Variants in KDM6A observed in about 807,000 individuals in gnomAD.
The protein encoded by KDM6A is lysine-specific demethylase 6A.
A neutral mutation model predicts 117.6 loss-of-function variants in KDM6A; 11 were observed. The ratio of observed to expected loss-of-function variants is 0.09; its 90% CI spans 0.06 to 0.15. The LOEUF (loss-of-function observed/expected upper bound fraction) is 0.15. Ranked by LOEUF, KDM6A falls within the 10% of genes least tolerant of loss-of-function variation. The probability of loss-of-function intolerance (pLI) is 1.00; values close to 1 mark genes in which losing one functional copy is unlikely to be tolerated. For missense variants in KDM6A, 799 were observed against 1,077.3 expected, an observed-to-expected ratio of 0.74 and a Z score of 3.62; for synonymous variants, 384 against 396.1, an observed-to-expected ratio of 0.97 and a Z score of 0.36.
chrX:44,942,583 T>C (rs867546962), intron 2 of KDM6A, among the ~76,000 whole-genome samples: 3 of 109,927 alleles, frequency 2.7e-5, no homozygotes, highest in Admixed American at 9.8e-5. Context: ...TTGTTTCGGC[T>C]ATTCTAGTTC....
chrX:45,098,556 A>T (rs193067271), intron 27 of KDM6A, among the ~76,000 whole-genome samples: 127 of 112,679 alleles, frequency 1.1e-3, no homozygotes, highest in African/African-American at 3.9e-3. Context: ...TATCAACTTG[A>T]CTAGCTTTAG....
chrX:45,068,937 C>G (rs1047524774), intron 17 of KDM6A, among the ~76,000 whole-genome samples: 4 of 109,886 alleles, frequency 3.6e-5, no homozygotes, highest in Non-Finnish European at 7.6e-5. Context: ...CTCAAACGAT[C>G]CTCCTGCCTC....
intron 2 of KDM6A, among the ~76,000 whole-genome samples, chrX:44,887,259 G>A (rs2032970051): frequency 9.0e-6 from 1 of 111,220 alleles, no homozygotes; most frequent in Admixed American, 9.7e-5. Flanking sequence ...GAAAAATTTG[G>A]TGATAGAGCT....
At chrX:45,109,934 A>AC (rs2148302815) in intron 28 of KDM6A, 145 bp from the exon 29 acceptor site, 1 of 538,542 alleles carries the variant, frequency 1.9e-6, no homozygotes, top group Non-Finnish European at 3.0e-6. Flanking sequence ...AGATTCTCAA[A>AC]CACAGCCATG....
intron 2 of KDM6A, among the ~76,000 whole-genome samples, chrX:44,923,745 G>A (rs1007267188): frequency 9.2e-6 from 1 of 108,723 alleles, no homozygotes; most frequent in South Asian, 4.0e-4. Context: ...ATTTAAGACA[G>A]TCAGTCTCCC....
chrX:45,076,799 G>A lies in KDM6A; in HGVS notation c.2961G>A (p.Lys987=), dbSNP rs144564697. 9.2e-6 allele frequency: 11 copies of A among 1,199,284 alleles called. No individual in the cohort carries two copies. In the African/African-American group the frequency reaches 2.0e-4, roughly 21 times the overall value. Residue 987 remains lysine (K), a synonymous_variant, in exon 19 of 30, where the codon AAG becomes AAA. Transcript: ENST00000611820. Reference sequence around the variant, plus strand: ...CATACCCTCCCTTGCCAAAGGACAAGTTGAATCCACCTACACCTAGTATTT... The same window carrying A: ...CATACCCTCCCTTGCCAAAGGACAAATTGAATCCACCTACACCTAGTATTT... ...SSPYPPLPKD[K]LNPPTPSIYL... is the part of the protein sequence containing the mutation.
At chrX:45,018,861 C>T (rs2042068989) in intron 5 of KDM6A, among the ~76,000 whole-genome samples, 1 of 111,530 alleles carries the variant, frequency 9.0e-6, no homozygotes, top group Admixed American at 9.6e-5. Flanking sequence ...GGTTAAGAAG[C>T]ATTATCCATA....
intron 27 of KDM6A, among the ~76,000 whole-genome samples, chrX:45,093,083 A>C (rs2045954544): frequency 3.6e-5 from 4 of 110,916 alleles, no homozygotes; most frequent in Admixed American, 2.9e-4. Context: ...TTTCACTTTA[A>C]ATTTAGAAAA....
At chrX:45,037,630 T>C in intron 7 of KDM6A, 25 bp from the exon 8 acceptor site, 1 of 1,191,408 alleles carries the variant, frequency 8.4e-7, no homozygotes, top group Non-Finnish European at 1.1e-6. Context: ...TTACTGATTT[T>C]TTTGTCTTTC....
In KDM6A at chrX:45,111,440, T is replaced by C; in HGVS notation, c.*29T>C. On this transcript the variant is annotated 3_prime_UTR_variant, in exon 30 of 30. Transcript: ENST00000611820. ...TGTTCCATGGACATTAAATGAGACC[T>C]TTTCTGCTATTCAGGAAATAACCCA... The C allele has an allele frequency of 1.8e-6, 2 of 1,133,312 alleles. No individual in the cohort carries two copies. The highest frequency in any genetic ancestry group is 2.4e-6 in the Non-Finnish European group (2 of 825,172). 93.4% of individuals were successfully genotyped at this position (1,133,312 alleles called of 1,213,427 possible).
intron 2 of KDM6A, among the ~76,000 whole-genome samples, chrX:44,895,796 CTTTCTA>C (rs1178063264): frequency 9.4e-6 from 1 of 106,264 alleles, no homozygotes; most frequent in East Asian, 2.9e-4. Flanking sequence ...TTTCTGTTTT[CTTTCTA>C]TTATTACTTG....
chrX:44,892,833 T>A (rs1220147444), intron 2 of KDM6A, among the ~76,000 whole-genome samples: 1 of 108,213 alleles, frequency 9.2e-6, no homozygotes, highest in Non-Finnish European at 1.9e-5. Flanking sequence ...TGAAACCCCG[T>A]CTCTACTAAA....
intron 5 of KDM6A, among the ~76,000 whole-genome samples, chrX:45,016,503 GTTTA>G (rs973146582): frequency 6.3e-5 from 6 of 95,482 alleles, no homozygotes; most frequent in African/African-American, 1.5e-4. Flanking sequence ...GTATGTATTT[GTTTA>G]TTTATTTATT....
rs1327003463 is a variant in KDM6A, at chrX:44,961,334, G to A, written c.276G>A (p.Glu92=). The A allele has an allele frequency of 1.7e-6, 2 of 1,205,381 alleles. No individual in the cohort carries two copies. The highest frequency in any genetic ancestry group is 3.0e-5 in the East Asian group (1 of 33,738). The change falls in exon 3 of 30, where the codon GAG becomes GAA. Residue 92 remains glutamate, a synonymous_variant. Transcript: ENST00000611820. ...SLILKAEGKV[E]SDFFCQLGHF... ...TCTTAAAAGCTGAAGGAAAAGTGGA[G>A]TCTGATTTCTTTTGTCAATTAGGTC... is the stretch of plus-strand genomic sequence containing the variant.
Position 45,062,645 on chromosome X carries a change from A to G in KDM6A, c.1582-2A>G. On this transcript the variant is annotated splice_acceptor_variant, in intron 15 of 29. Coordinates refer to ENST00000611820, the MANE Select transcript of KDM6A (RefSeq NM_001291415.2). LOFTEE classifies it high-confidence loss of function. ...TATATTCTCTTTTTGTTCTTCTTCT[A>G]GCATTTGGAACAGCTCCGCGCAAAT... The G allele has an allele frequency of 8.5e-7, 1 of 1,176,885 alleles. No individual in the cohort carries two copies. Among genetic ancestry groups the G allele is most frequent in the East Asian group, 3.0e-5 (1 of 33,650 alleles).
intron 27 of KDM6A, among the ~76,000 whole-genome samples, chrX:45,093,875 C>G (rs2045995639): frequency 9.0e-6 from 1 of 111,013 alleles, no homozygotes; most frequent in African/African-American, 3.3e-5. Flanking sequence ...ACTGTTGTTT[C>G]TTATACATTT....
At chrX:44,990,636 T>A (rs1425930299) in intron 4 of KDM6A, among the ~76,000 whole-genome samples, 1 of 111,760 alleles carries the variant, frequency 8.9e-6, no homozygotes, top group East Asian at 2.8e-4. Context: ...CCTCACAAAG[T>A]TCTCGTGCTT....
chrX:45,059,312 T>G lies in KDM6A; in HGVS notation c.1040T>G (p.Leu347Trp). The change falls in exon 12 of 30, where the codon TTG (leucine) becomes TGG (tryptophan). Residue 347 changes from leucine to tryptophan, a missense_variant. This residue lies in a region of KDM6A where 36 missense variants were observed against 44.4 expected (regional missense o/e 0.81). Transcript: ENST00000611820. ...CAGGCCTATATTTGTGCTGTACAAT[T>G]GGACCATGGCCATGCTGCAGCCTGG... ...ALQAYICAVQ[L>W]DHGHAAAWMD... 8.3e-7 allele frequency: 1 copy of G among 1,211,501 alleles called. No homozygotes were observed. Among genetic ancestry groups the G allele is most frequent in the Non-Finnish European group, 1.1e-6 (1 of 895,416 alleles).
chrX:45,031,154 G>A (rs1485193951), intron 6 of KDM6A, among the ~76,000 whole-genome samples: 1 of 112,152 alleles, frequency 8.9e-6, no homozygotes, highest in Non-Finnish European at 1.9e-5. Flanking sequence ...AACTTCAGTG[G>A]TTTCCTCAGC....
Sources: allele counts gnomAD v4.1 joint callset (sites outside exome capture counted in the v4.1 genomes callset), GRCh38; gene constraint gnomAD v4.1.1; regional missense constraint gnomAD v4.1.1; transcripts MANE v1.5; gene names NCBI Gene and HGNC (gene_info 2026-07-23, HGNC 2026-07-21).